The following FMN2 variants were observed in gnomAD, a reference collection of about 807,000 sequenced individuals.
The protein encoded by FMN2 is formin 2.
FMN2 carries 51 observed loss-of-function variants against 142.3 expected under a neutral mutation model. The observed-to-expected ratio is 0.36, with a 90% CI of 0.29 to 0.45. The LOEUF (loss-of-function observed/expected upper bound fraction) is 0.45. FMN2 is among the 20% of genes least tolerant of loss of function. The pLI is 1.00. For synonymous variants in FMN2, 882 were observed against 869.8 expected, an observed-to-expected ratio of 1.01 and a Z score of -0.25; for missense variants, 1,936 against 2,122.8, an observed-to-expected ratio of 0.91 and a Z score of 1.73.
intron 14 of FMN2, among the ~76,000 whole-genome samples, chr1:240,370,290 A>G (rs183140407): frequency 1.2e-3 from 185 of 151,874 alleles, no homozygotes; most frequent in African/African-American, 4.2e-3. Context: ...TTTGATATCT[A>G]TAGTCTTGTT....
intron 4 of FMN2, among the ~76,000 whole-genome samples, chr1:240,190,337 C>T (rs2103351952): frequency 6.6e-6 from 1 of 152,318 alleles, no homozygotes; most frequent in South Asian, 2.1e-4. Context: ...CCGACAATGA[C>T]ATCACTTACT....
In FMN2 at chr1:240,373,237, T is replaced by C. The variant is rs576405342; in HGVS notation, c.4858+17329T>C. 5.3e-5 allele frequency among the ~76,000 whole-genome samples: 8 copies of C among 152,270 alleles called. No homozygotes were observed. The South Asian group carries it at 1.5e-3, about 28-fold the overall frequency. ...CTTAGCCTTCAGCAAGTTGTGATCT[T>C]TTTTCTGGTGGAGGGTCTTGCTTCC... On this transcript the variant is annotated intron_variant, in intron 14 of 17. Coordinates refer to ENST00000319653, the MANE Select transcript of FMN2 (RefSeq NM_020066.5).
At chr1:240,170,478 G>T in intron 2 of FMN2, 1 of 1,437,750 alleles carries the variant, frequency 7.0e-7, no homozygotes, top group South Asian at 1.1e-5. Context: ...TGCAAATTTT[G>T]TCTAAATCCT....
At chr1:240,361,436 C>T (rs971522505) in intron 14 of FMN2, among the ~76,000 whole-genome samples, 6 of 151,742 alleles carry the variant, frequency 4.0e-5, no homozygotes, top group East Asian at 3.9e-4. Flanking sequence ...CGTTATGGTA[C>T]GCTGGTAAAG....
intron 7 of FMN2, among the ~76,000 whole-genome samples, chr1:240,290,055 C>A (rs566570518): frequency 6.6e-6 from 1 of 152,156 alleles, no homozygotes; most frequent in African/African-American, 2.4e-5. Flanking sequence ...GGATAGACAC[C>A]TGCCTGCGCA....
chr1:240,367,515 A>G (rs1422947090), intron 14 of FMN2, among the ~76,000 whole-genome samples: 1 of 152,008 alleles, frequency 6.6e-6, no homozygotes, highest in Admixed American at 6.6e-5. Flanking sequence ...CACGCCTGTA[A>G]TCCCAGCACT....
intron 1 of FMN2, among the ~76,000 whole-genome samples, chr1:240,098,064 C>T (rs1418652765): frequency 7.1e-6 from 1 of 141,402 alleles, no homozygotes; most frequent in Non-Finnish European, 1.5e-5. Flanking sequence ...GATTGTGCAA[C>T]TCTGATTTTG....
chr1:240,093,382 C>A lies in FMN2; in HGVS notation c.1273C>A (p.Gln425Lys). 1 of 1,613,440 alleles carries A rather than the reference C, an allele frequency of 6.2e-7. No homozygotes were observed. Among genetic ancestry groups the A allele is most frequent in the Non-Finnish European group, 8.5e-7 (1 of 1,179,694 alleles). The stretch of plus-strand genomic sequence containing the variant: ...CTGCTACATCAAGACCACCACCCGG[C>A]AGCTCAGCTCGCCCAATCACTCCCC... ...TPCYIKTTTR[Q>K]LSSPNHSPSQ... Residue 425 changes from glutamine (Q) to lysine (K), a missense_variant, in exon 1 of 18, where the codon CAG becomes AAG. Gln to Lys is a moderately conservative substitution (Grantham distance 53). Transcript: ENST00000319653.
intron 2 of FMN2, among the ~76,000 whole-genome samples, chr1:240,175,768 A>G (rs528353615): frequency 6.6e-6 from 1 of 151,940 alleles, no homozygotes; most frequent in Non-Finnish European, 1.5e-5. Context: ...AGGTGATTTC[A>G]TTGTGGTTTT....
At chr1:240,123,572 T>C (rs188938390) in intron 2 of FMN2, among the ~76,000 whole-genome samples, 1 of 152,222 alleles carries the variant, frequency 6.6e-6, no homozygotes, top group Admixed American at 6.6e-5. Context: ...CCTCCTTTTC[T>C]TGACAGATGG....
chr1:240,170,511 A>G, intron 2 of FMN2: 1 of 1,513,576 alleles, frequency 6.6e-7, no homozygotes, highest in Non-Finnish European at 9.2e-7. Flanking sequence ...GCCAGAATAT[A>G]AGAGTCACTC....
chr1:240,260,633 C>T (rs1044945449), intron 7 of FMN2, among the ~76,000 whole-genome samples: 4 of 151,946 alleles, frequency 2.6e-5, no homozygotes, highest in Admixed American at 6.6e-5. Flanking sequence ...GTTTGTGTTC[C>T]TTGTAGATTC....
chr1:240,317,430 A>C (rs976902045), intron 8 of FMN2, among the ~76,000 whole-genome samples: 2 of 152,156 alleles, frequency 1.3e-5, no homozygotes, highest in African/African-American at 4.8e-5. Flanking sequence ...CCTGGTAGTT[A>C]ATAATCTGTT....
At chr1:240,460,230 C>A (rs1168200993) in intron 16 of FMN2, among the ~76,000 whole-genome samples, 1 of 152,224 alleles carries the variant, frequency 6.6e-6, no homozygotes, top group Non-Finnish European at 1.5e-5. Context: ...AAAAGACATG[C>A]ATCCACTTCT....
intron 2 of FMN2, among the ~76,000 whole-genome samples, chr1:240,142,125 C>T (rs920933438): frequency 6.6e-6 from 1 of 152,066 alleles, no homozygotes; most frequent in African/African-American, 2.4e-5. Context: ...TTTGAAGTTA[C>T]AAGGGTGCTG....
chr1:240,203,243 A>G (rs1039319991), intron 4 of FMN2, among the ~76,000 whole-genome samples: 2 of 152,202 alleles, frequency 1.3e-5, no homozygotes, highest in African/African-American at 2.4e-5. Flanking sequence ...CCATTGTGAA[A>G]GACAGTGTGG....
chr1:240,352,787 C>G (rs1672137829), intron 13 of FMN2, among the ~76,000 whole-genome samples: 1 of 152,134 alleles, frequency 6.6e-6, no homozygotes, highest in African/African-American at 2.4e-5. Flanking sequence ...TAAGTATATC[C>G]TTAATATGCA....
At chr1:240,134,083 A>G (rs1039004438) in intron 2 of FMN2, among the ~76,000 whole-genome samples, 1 of 152,252 alleles carries the variant, frequency 6.6e-6, no homozygotes, top group African/African-American at 2.4e-5. Context: ...TTAATTTATT[A>G]GGCATTTAGC....
At chr1:240,192,231 A>C (rs933335022) in intron 4 of FMN2, among the ~76,000 whole-genome samples, 3 of 152,240 alleles carry the variant, frequency 2.0e-5, no homozygotes, top group African/African-American at 7.2e-5. Flanking sequence ...ATTTAGGAAC[A>C]AGTCAAGGAA....
Sources: gnomAD v4.1 joint callset for allele counts (sites outside exome capture counted in the v4.1 genomes callset) on GRCh38, gnomAD v4.1.1 for gene constraint, MANE v1.5 for transcripts, NCBI Gene and HGNC (gene_info 2026-07-23, HGNC 2026-07-21) for gene names.